ATP8A1: variants seen among roughly 807,000 people sequenced by gnomAD.
ATP8A1 encodes the protein ATPase phospholipid transporting 8A1.
In ATP8A1, 90 loss-of-function variants were observed where a neutral mutation model predicts 177.7. The ratio of observed to expected loss-of-function variants is 0.51; its 90% CI spans 0.43 to 0.60. The LOEUF is 0.60. Ranked by LOEUF, ATP8A1 falls within the 20% of genes least tolerant of loss-of-function variation. The pLI is 0.00. For missense variants in ATP8A1, 1,072 were observed against 1,392.8 expected (o/e 0.77, Z 3.67); for synonymous variants, 493 against 485.9 (o/e 1.01, Z -0.19).
chr4:42,455,243 G>A (rs917335547), intron 29 of ATP8A1, 54 bp downstream of exon 29: 41 of 1,601,706 alleles, frequency 2.6e-5, no homozygotes, highest in Non-Finnish European at 3.2e-5. Context: ...CATATAATGA[G>A]GGCAGTAAAC....
intron 20 of ATP8A1, among the ~76,000 whole-genome samples, chr4:42,538,303 A>G (rs991624964): frequency 2.6e-5 from 4 of 152,180 alleles, no homozygotes; most frequent in African/African-American, 9.7e-5. Flanking sequence ...AAGACCTGAA[A>G]CCATAAAAAC....
At chr4:42,569,992 T>C (rs1731747493) in intron 14 of ATP8A1, among the ~76,000 whole-genome samples, 1 of 152,200 alleles carries the variant, frequency 6.6e-6, no homozygotes, top group Non-Finnish European at 1.5e-5. Flanking sequence ...ACTTTTCCTG[T>C]AAATTTATTA....
intron 10 of ATP8A1, among the ~76,000 whole-genome samples, chr4:42,581,221 C>T (rs956453221): frequency 1.5e-4 from 23 of 152,050 alleles, no homozygotes; most frequent in Admixed American, 5.2e-4. Context: ...GCAAGCTCCG[C>T]CTCCTGGATT....
intron 25 of ATP8A1, among the ~76,000 whole-genome samples, chr4:42,473,818 G>T (rs1720745121): frequency 3.1e-5 from 3 of 98,258 alleles, no homozygotes; most frequent in South Asian, 3.4e-4. Flanking sequence ...GCTAATTTTT[G>T]TGTTTTTTTT....
chr4:42,516,424 C>T (rs1725539443), intron 22 of ATP8A1, among the ~76,000 whole-genome samples: 2 of 152,102 alleles, frequency 1.3e-5, no homozygotes, highest in African/African-American at 2.4e-5. Flanking sequence ...CCAATCCACG[C>T]ATCATAATAA....
chr4:42,600,927 G>A (rs762093955), intron 5 of ATP8A1, among the ~76,000 whole-genome samples: 1 of 150,870 alleles, frequency 6.6e-6, no homozygotes, highest in Non-Finnish European at 1.5e-5. Context: ...TAATAGTTTA[G>A]TAAAAATTTA....
At chr4:42,631,325 C>G (rs1002325633) in intron 1 of ATP8A1, among the ~76,000 whole-genome samples, 4 of 152,184 alleles carry the variant, frequency 2.6e-5, no homozygotes, top group African/African-American at 9.7e-5. Flanking sequence ...GTTGCCCAAG[C>G]CTGTAGGACT....
chr4:42,628,065 C>A (rs181418996), intron 1 of ATP8A1, among the ~76,000 whole-genome samples: 1 of 152,168 alleles, frequency 6.6e-6, no homozygotes, highest in African/African-American at 2.4e-5. Flanking sequence ...AGAATGGGAA[C>A]TCCCTAGGGC....
rs978158319 is a variant in ATP8A1, at chr4:42,597,415, T to C, written c.450+3063A>G. ...TACAAAGCCAGTATTTCAGTGTACA[T>C]AGTACTATTTTTTTTCACCTATGAT... On this transcript the variant is annotated intron_variant, in intron 6 of 36. Coordinates refer to ENST00000381668, the MANE Select transcript of ATP8A1 (RefSeq NM_006095.2). Among the ~76,000 whole-genome samples the C allele has an allele frequency of 2.6e-5, 4 of 152,208 alleles. No individual in the cohort carries two copies. In the East Asian group the frequency reaches 5.8e-4, roughly 22 times the overall value.
intron 7 of ATP8A1, among the ~76,000 whole-genome samples, chr4:42,589,372 AC>A (rs1409093094): frequency 6.6e-6 from 1 of 152,236 alleles, no homozygotes; most frequent in Non-Finnish European, 1.5e-5. Flanking sequence ...CAAATTACAA[AC>A]ACCTGGAATT....
rs1712219092 is a variant in ATP8A1, at chr4:42,408,386, TAA to T, written c.*4528_*4529del. ...AAACTTCAACAATTTTAAGTAATGG[TAA>T]AGTTTATTTCATTTTTAATAACAAT... On this transcript the variant is annotated 3_prime_UTR_variant, in exon 37 of 37. Transcript: ENST00000381668. The T allele has an allele frequency of 6.6e-6, 1 of 152,254 alleles. No homozygotes were observed. Among genetic ancestry groups the T allele is most frequent in the African/African-American group, 2.4e-5 (1 of 41,470 alleles). The allele number at this position is 152,254 out of a possible 1,614,324, so 9.4% of individuals were successfully genotyped here.
chr4:42,623,438 T>C (rs1045488728), intron 4 of ATP8A1, among the ~76,000 whole-genome samples: 3 of 152,120 alleles, frequency 2.0e-5, no homozygotes, highest in Non-Finnish European at 2.9e-5. Flanking sequence ...AGACATGAAA[T>C]CAACCTAAAT....
chr4:42,623,008 T>G (rs1025245370), intron 4 of ATP8A1, among the ~76,000 whole-genome samples: 3 of 61,562 alleles, frequency 4.9e-5, no homozygotes, highest in Non-Finnish European at 1.2e-4. Context: ...AAACTCTGTC[T>G]CAAAAAAAAA....
chr4:42,580,088 G>T, intron 10 of ATP8A1, 110 bp from the exon 11 acceptor site: 3 of 759,156 alleles, frequency 4.0e-6, no homozygotes, highest in Non-Finnish European at 6.0e-6. Flanking sequence ...TCTAGATGTG[G>T]GTGGATACGT....
chr4:42,589,052 C>CAGT (rs1207105081), intron 7 of ATP8A1, among the ~76,000 whole-genome samples: 1 of 152,128 alleles, frequency 6.6e-6, no homozygotes, highest in Non-Finnish European at 1.5e-5. Context: ...GGTTCCCCAC[C>CAGT]AGTGTGTCTT....
At chr4:42,576,025 C>T (rs1182982438) in intron 12 of ATP8A1, among the ~76,000 whole-genome samples, 1 of 152,154 alleles carries the variant, frequency 6.6e-6, no homozygotes, top group Non-Finnish European at 1.5e-5. Flanking sequence ...ACACAAAGTG[C>T]TTCCTACTGT....
chr4:42,409,373 A>AGT lies in ATP8A1; in HGVS notation c.*3541_*3542dup, dbSNP rs575699549. 1.6e-3 allele frequency: 241 copies of AGT among 152,304 alleles called. No homozygotes were observed. Among genetic ancestry groups the AGT allele is most frequent in the African/African-American group, 5.5e-3 (227 of 41,590 alleles). The allele number at this position is 152,304 out of a possible 1,614,324, so 9.4% of individuals were successfully genotyped here. On this transcript the variant is annotated 3_prime_UTR_variant, in exon 37 of 37. Transcript: ENST00000381668. ...CAGCAAAGTATAACTACGTTACACA[A>AGT]GTGACTTCAGTTATTTTAATGTGAG...
intron 15 of ATP8A1, among the ~76,000 whole-genome samples, chr4:42,558,917 G>T (rs541713484): frequency 1.5e-3 from 235 of 152,354 alleles, no homozygotes; most frequent in Non-Finnish European, 2.7e-3. Context: ...GCTCACGCCT[G>T]TAATCCCAGC....
intron 33 of ATP8A1, among the ~76,000 whole-genome samples, chr4:42,432,251 A>G (rs1715390880): frequency 1.3e-5 from 2 of 152,138 alleles, no homozygotes; most frequent in Non-Finnish European, 2.9e-5. Context: ...TTTAACATCT[A>G]TATTTTTACA....
Sources: allele counts gnomAD v4.1 joint callset (sites outside exome capture counted in the v4.1 genomes callset), GRCh38; gene constraint gnomAD v4.1.1; transcripts MANE v1.5; gene names NCBI Gene and HGNC (gene_info 2026-07-23, HGNC 2026-07-21).